UBAC1: variants seen among roughly 807,000 people sequenced by gnomAD.
The protein encoded by UBAC1 is UBA domain containing 1.
A neutral mutation model predicts 45.9 loss-of-function variants in UBAC1; 27 were observed. The ratio of observed to expected loss-of-function variants is 0.59; its 90% CI spans 0.43 to 0.81. UBAC1 has a LOEUF of 0.81. Ranked by LOEUF, UBAC1 falls within the 30% of genes least tolerant of loss-of-function variation. The pLI, the probability that UBAC1 is intolerant of heterozygous loss-of-function variation, is 0.00. For missense variants in UBAC1, 529 were observed against 539.2 expected, an observed-to-expected ratio of 0.98 and a Z score of 0.19; for synonymous variants, 227 against 215.5, an observed-to-expected ratio of 1.05 and a Z score of -0.47.
intron 4 of UBAC1, chr9:135,947,577 T>C (rs1483573743): frequency 4.2e-6 from 2 of 479,734 alleles, no homozygotes; most frequent in Admixed American, 4.0e-5. Context: ...GTATCTATCT[T>C]TTCAATCCTG....
chr9:135,959,493 G>A (rs906175232), intron 1 of UBAC1, among the ~76,000 whole-genome samples: 1 of 149,166 alleles, frequency 6.7e-6, no homozygotes, highest in Non-Finnish European at 1.5e-5. Context: ...CCCTGCCTCA[G>A]CCTCCCAAGT....
chr9:135,955,199 C>T (rs1018102811), intron 2 of UBAC1, 96 bp downstream of exon 2: 19 of 1,304,856 alleles, frequency 1.5e-5, no homozygotes, highest in Non-Finnish European at 1.9e-5. Context: ...CAGCTCAGAA[C>T]ACTGACTCCT....
chr9:135,936,379 C>CCA (rs1839203176), intron 9 of UBAC1, among the ~76,000 whole-genome samples: 1 of 152,070 alleles, frequency 6.6e-6, no homozygotes, highest in Admixed American at 6.6e-5. Context: ...CTACCTCACA[C>CCA]CACACACATA....
Position 135,933,305 on chromosome 9 carries a change from G to A in UBAC1, c.*95C>T, listed in dbSNP as rs561775846. 5.3e-6 allele frequency: 5 copies of A among 952,316 alleles called. No homozygotes were observed. The highest frequency in any genetic ancestry group is 3.2e-5 in the African/African-American group (2 of 62,384). 59.0% of individuals were successfully genotyped at this position (952,316 alleles called of 1,614,324 possible). On this transcript the variant is annotated 3_prime_UTR_variant, in exon 10 of 10. Transcript: ENST00000371756. Reference sequence around the variant, plus strand: ...ACCTCTAACAGTCCAGGGCTGAGGCGCTGAAGGTGAGTTTCCAGGTGAGGT... The same window carrying A: ...ACCTCTAACAGTCCAGGGCTGAGGCACTGAAGGTGAGTTTCCAGGTGAGGT...
intron 1 of UBAC1, among the ~76,000 whole-genome samples, chr9:135,960,709 G>C (rs1373415294): frequency 6.6e-6 from 1 of 152,226 alleles, no homozygotes; most frequent in Non-Finnish European, 1.5e-5. Flanking sequence ...ACCTCCCTGC[G>C]TGGCTGCAGA....
chr9:135,933,462 G>A lies in UBAC1; in HGVS notation c.1156C>T (p.Pro386Ser), dbSNP rs765952805. ...PLNSTQWMND[P>S]ETGPVMLQIS... ...TGCAGCATGACAGGCCCCGTTTCTGGATCATTCATCCACTGGGTGCTGTTC... is the reference window on the plus strand; with the variant it reads ...TGCAGCATGACAGGCCCCGTTTCTGAATCATTCATCCACTGGGTGCTGTTC... Residue 386 changes from proline (P) to serine (S), a missense_variant, in exon 10 of 10, where the codon CCA (proline) becomes TCA (serine). Coordinates refer to ENST00000371756, the MANE Select transcript of UBAC1 (RefSeq NM_016172.3). The A allele has an allele frequency of 7.4e-6, 12 of 1,613,992 alleles. No individual in the cohort carries two copies. Among genetic ancestry groups the A allele is most frequent in the African/African-American group, 1.3e-5 (1 of 74,914 alleles).
Position 135,953,689 on chromosome 9 carries a change from T to A in UBAC1, c.324A>T (p.Ala108=). The A allele has an allele frequency of 6.2e-7, 1 of 1,613,834 alleles. No homozygotes were observed. The highest frequency in any genetic ancestry group is 8.5e-7 in the Non-Finnish European group (1 of 1,179,782). Residue 108 remains alanine (A), a synonymous_variant, in exon 3 of 10, where the codon GCA becomes GCT. Coordinates refer to ENST00000371756, the MANE Select transcript of UBAC1 (RefSeq NM_016172.3). ...AAACTTTGAAATTTACCTTTTCTTC[T>A]GCTGAGACATCAGCCATCTTGGGAA... ...SPLPKMADVS[A]EEKKKQDQKA... is the part of the protein sequence containing the mutation.
intron 1 of UBAC1, among the ~76,000 whole-genome samples, chr9:135,958,734 G>C (rs775629434): frequency 1.3e-5 from 2 of 152,118 alleles, no homozygotes; most frequent in Admixed American, 1.3e-4. Context: ...TACACAACTC[G>C]AGGGTTCTCT....
Position 135,947,795 on chromosome 9 carries a change from C to T in UBAC1, c.441+3G>A. 6.2e-7 allele frequency: 1 copy of T among 1,612,314 alleles called. No homozygotes were observed. The highest frequency in any genetic ancestry group is 1.3e-5 in the African/African-American group (1 of 74,958). ...CCCGCCGCCGCTCTGGGCTGACACT[C>T]ACGTCTCTCATGTTGGTCTGGACCG... On this transcript the variant is annotated splice_donor_region_variant and intron_variant, in intron 4 of 9. Coordinates refer to ENST00000371756, the MANE Select transcript of UBAC1 (RefSeq NM_016172.3).
At chr9:135,941,248 A>T (rs1015959658) in intron 7 of UBAC1, among the ~76,000 whole-genome samples, 1 of 152,128 alleles carries the variant, frequency 6.6e-6, no homozygotes, top group African/African-American at 2.4e-5. Context: ...TCTACTAAAA[A>T]TACAAAAAGT....
chr9:135,960,547 A>G (rs1839520965), intron 1 of UBAC1, among the ~76,000 whole-genome samples: 1 of 152,008 alleles, frequency 6.6e-6, no homozygotes, highest in Non-Finnish European at 1.5e-5. Flanking sequence ...GGGCCTCTTC[A>G]TGAAGGAGCC....
At chr9:135,941,061 G>C (rs551096953) in intron 7 of UBAC1, among the ~76,000 whole-genome samples, 5 of 152,312 alleles carry the variant, frequency 3.3e-5, no homozygotes, top group African/African-American at 1.2e-4. Context: ...CTTCAGCTGG[G>C]GTGGAGCTCA....
chr9:135,946,528 T>C (rs555285675), intron 4 of UBAC1, among the ~76,000 whole-genome samples, 157 bp from the exon 5 acceptor site: 7 of 152,292 alleles, frequency 4.6e-5, no homozygotes, highest in Admixed American at 2.6e-4. Flanking sequence ...AGGCAGGGGA[T>C]TGGCAGGGCC....
At chr9:135,949,870 A>C (rs1839387053) in intron 3 of UBAC1, among the ~76,000 whole-genome samples, 1 of 152,144 alleles carries the variant, frequency 6.6e-6, no homozygotes, top group African/African-American at 2.4e-5. Context: ...GGCCTCAACT[A>C]ATCAGGCAGG....
intron 1 of UBAC1, among the ~76,000 whole-genome samples, chr9:135,959,486 T>C (rs1319780190): frequency 6.7e-6 from 1 of 149,390 alleles, no homozygotes; most frequent in African/African-American, 2.5e-5. Context: ...GCGATTACCC[T>C]GCCTCAGCCT....
chr9:135,946,181 C>CGGTCAGT, intron 5 of UBAC1, 88 bp downstream of exon 5: 1 of 1,102,924 alleles, frequency 9.1e-7, no homozygotes, highest in Non-Finnish European at 1.4e-6. Flanking sequence ...ACTGAGGTTC[C>CGGTCAGT]GGTCAGTGGT....
intron 9 of UBAC1, among the ~76,000 whole-genome samples, chr9:135,937,348 G>A (rs1325218690): frequency 6.6e-6 from 1 of 151,738 alleles, no homozygotes; most frequent in Non-Finnish European, 1.5e-5. Context: ...GGCTGAGGCA[G>A]GAGAATTGCT....
At position 135,934,104 on chromosome 9, in the gene UBAC1, G is replaced by C. The variant is rs566240838; in HGVS notation, c.1103-589C>G. Reference sequence around the variant, plus strand: ...TTCCACCCACTGTGAAGGAGCACGCGTTCTGCCAGCCCCTCTGCCAGGATC... The same window carrying C: ...TTCCACCCACTGTGAAGGAGCACGCCTTCTGCCAGCCCCTCTGCCAGGATC... On this transcript the variant is annotated intron_variant, in intron 9 of 9. Transcript: ENST00000371756. Among the ~76,000 whole-genome samples, 3 of 152,314 alleles carry C rather than the reference G, an allele frequency of 2.0e-5. No homozygotes were observed. In the East Asian group the frequency reaches 5.8e-4, roughly 29 times the overall value.
Position 135,961,038 on chromosome 9 carries a change from C to T in UBAC1, c.125G>A (p.Arg42His). Residue 42 changes from arginine (R) to histidine (H), a missense_variant, in exon 1 of 10, where the codon CGC (arginine) becomes CAC (histidine). Arg to His is a conservative substitution (Grantham distance 29, BLOSUM62 0). Transcript: ENST00000371756. Reference sequence around the variant, plus strand: ...GCCCGGCCTTACGTGCTTGAGGCAGCGCTCCTTGAGCTTCTCCACCGAGGT... The same window carrying T: ...GCCCGGCCTTACGTGCTTGAGGCAGTGCTCCTTGAGCTTCTCCACCGAGGT... ...EDTSVEKLKERCLKHCAHGSL... is the reference protein window; with the variant it reads ...EDTSVEKLKEHCLKHCAHGSL... The T allele has an allele frequency of 1.3e-6, 2 of 1,569,096 alleles. No homozygotes were observed. Among genetic ancestry groups the T allele is most frequent in the East Asian group, 2.5e-5 (1 of 40,116 alleles).
Sources: gnomAD v4.1 joint callset for allele counts (sites outside exome capture counted in the v4.1 genomes callset) on GRCh38, gnomAD v4.1.1 for gene constraint, MANE v1.5 for transcripts, NCBI Gene and HGNC (gene_info 2026-07-23, HGNC 2026-07-21) for gene names.